The following KCNIP1 variants were observed in gnomAD, a reference collection of about 807,000 sequenced individuals.
The protein encoded by KCNIP1 is potassium voltage-gated channel interacting protein 1, also known as A-type potassium channel modulatory protein KCNIP1.
KCNIP1 carries 18 observed loss-of-function variants against 33.0 expected under a neutral mutation model. That is an observed-to-expected ratio of 0.55 (90% CI 0.38 to 0.81). The LOEUF (loss-of-function observed/expected upper bound fraction) is 0.81, where lower values mean the gene tolerates loss of function less well. Ranked by LOEUF, KCNIP1 falls within the 30% of genes least tolerant of loss-of-function variation. The pLI, the probability that KCNIP1 is intolerant of heterozygous loss-of-function variation, is 0.00. For synonymous variants in KCNIP1, 93 were observed against 98.3 expected, an observed-to-expected ratio of 0.95 and a Z score of 0.32; for missense variants, 238 against 271.6, an observed-to-expected ratio of 0.88 and a Z score of 0.87.
At chr5:170,395,330 G>T (rs543858885) in intron 1 of KCNIP1, among the ~76,000 whole-genome samples, 2 of 152,078 alleles carry the variant, frequency 1.3e-5, no homozygotes, top group Non-Finnish European at 2.9e-5. Flanking sequence ...GGTTTAATTT[G>T]CATTTCTCTG....
At chr5:170,455,032 A>T (rs796924602) in intron 1 of KCNIP1, among the ~76,000 whole-genome samples, 15 of 152,342 alleles carry the variant, frequency 9.8e-5, no homozygotes, top group African/African-American at 3.4e-4. Flanking sequence ...ATTATAAACA[A>T]ATATGCTCCT....
At chr5:170,595,023 C>G (rs1184987731) in intron 1 of KCNIP1, among the ~76,000 whole-genome samples, 4 of 152,166 alleles carry the variant, frequency 2.6e-5, no homozygotes, top group Admixed American at 2.6e-4. Flanking sequence ...CCAACTCAGT[C>G]AACACAGGTC....
intron 1 of KCNIP1, among the ~76,000 whole-genome samples, chr5:170,674,161 A>AGGG (rs1561756579): frequency 5.0e-4 from 40 of 79,400 alleles, no homozygotes; most frequent in African/African-American, 2.1e-3. Context: ...GGAAGGAAGG[A>AGGG]AGGAAGGAAG....
chr5:170,601,259 G>A (rs1430037925), intron 1 of KCNIP1, among the ~76,000 whole-genome samples: 1 of 152,236 alleles, frequency 6.6e-6, no homozygotes, highest in Non-Finnish European at 1.5e-5. Context: ...TCACAGCGGT[G>A]TAGAGGAGAA....
At chr5:170,619,327 G>GC (rs1254444541) in intron 1 of KCNIP1, among the ~76,000 whole-genome samples, 1 of 152,236 alleles carries the variant, frequency 6.6e-6, no homozygotes, top group Non-Finnish European at 1.5e-5. Context: ...ATGACCTTGG[G>GC]CAAGAAGCTT....
chr5:170,482,713 C>A (rs918984012), intron 1 of KCNIP1, among the ~76,000 whole-genome samples: 4 of 152,152 alleles, frequency 2.6e-5, no homozygotes, highest in African/African-American at 9.7e-5. Flanking sequence ...CAGATTTCAT[C>A]TGGTATGCTG....
intron 1 of KCNIP1, among the ~76,000 whole-genome samples, chr5:170,404,230 A>G (rs1754977323): frequency 6.6e-6 from 1 of 152,232 alleles, no homozygotes. Context: ...CACAGTCTTA[A>G]AAATTGGAAA....
At chr5:170,643,866 G>A (rs972561531) in intron 1 of KCNIP1, among the ~76,000 whole-genome samples, 1 of 152,220 alleles carries the variant, frequency 6.6e-6, no homozygotes, top group Non-Finnish European at 1.5e-5. Context: ...TAACGAATGG[G>A]GCACTCACAG....
intron 1 of KCNIP1, among the ~76,000 whole-genome samples, chr5:170,561,650 G>A (rs1757038011): frequency 6.6e-6 from 1 of 152,224 alleles, no homozygotes; most frequent in Admixed American, 6.5e-5. Context: ...CTTGAGACCA[G>A]GTTCCCATCT....
chr5:170,445,534 T>C (rs1332940445), intron 1 of KCNIP1, among the ~76,000 whole-genome samples: 1 of 152,242 alleles, frequency 6.6e-6, no homozygotes, highest in East Asian at 1.9e-4. Context: ...AGTTTCCTCC[T>C]GTTATCATTC....
intron 1 of KCNIP1, among the ~76,000 whole-genome samples, chr5:170,691,154 G>T (rs908645757): frequency 6.6e-6 from 1 of 152,182 alleles, no homozygotes; most frequent in Non-Finnish European, 1.5e-5. Flanking sequence ...ATGCCTTATG[G>T]GTGCATCCTA....
At chr5:170,598,908 T>TGTGTGTGC (rs1554103639) in intron 1 of KCNIP1, among the ~76,000 whole-genome samples, 6 of 138,820 alleles carry the variant, frequency 4.3e-5, no homozygotes, top group African/African-American at 1.3e-4. Flanking sequence ...TGTGCGCGTG[T>TGTGTGTGC]GTGTGTGTGT....
chr5:170,524,718 T>C (rs990005715), intron 1 of KCNIP1, among the ~76,000 whole-genome samples: 21 of 152,094 alleles, frequency 1.4e-4, no homozygotes, highest in African/African-American at 4.6e-4. Flanking sequence ...TTAAACTAGT[T>C]CATGCCTTCA....
chr5:170,647,345 T>C (rs2113712937), intron 1 of KCNIP1, among the ~76,000 whole-genome samples: 1 of 152,268 alleles, frequency 6.6e-6, no homozygotes, highest in African/African-American at 2.4e-5. Flanking sequence ...AGAAAAAAGT[T>C]GGAGGATTGA....
chr5:170,435,987 G>T (rs749015210), intron 1 of KCNIP1, among the ~76,000 whole-genome samples: 4 of 152,034 alleles, frequency 2.6e-5, no homozygotes, highest in Admixed American at 6.6e-5. Flanking sequence ...CCACATTCCT[G>T]CCCACCATGC....
At chr5:170,502,592 G>A (rs1163821216), upstream of KCNIP1, among the ~76,000 whole-genome samples, 6 of 152,166 alleles carry the variant, frequency 3.9e-5, no homozygotes, top group African/African-American at 1.2e-4. Flanking sequence ...TGAGCCTTGG[G>A]TCTGTCTGTG....
At chr5:170,493,668 C>T (rs1000606078) in intron 1 of KCNIP1, among the ~76,000 whole-genome samples, 1 of 152,186 alleles carries the variant, frequency 6.6e-6, no homozygotes, top group African/African-American at 2.4e-5. Flanking sequence ...AGGAAGAGGA[C>T]ACTGAACAAA....
At chr5:170,725,300 T>C (rs1763972410) in intron 5 of KCNIP1, among the ~76,000 whole-genome samples, 1 of 152,098 alleles carries the variant, frequency 6.6e-6, no homozygotes, top group South Asian at 2.1e-4. Flanking sequence ...GATGAATGGA[T>C]AAAGAAAATC....
At chr5:170,366,631 G>A (rs572875646) in intron 1 of KCNIP1, among the ~76,000 whole-genome samples, 8 of 152,240 alleles carry the variant, frequency 5.3e-5, no homozygotes, top group Non-Finnish European at 1.2e-4. Flanking sequence ...AGTGACCAGC[G>A]TGAGACTCCT....
Sources: allele counts gnomAD v4.1 joint callset (sites outside exome capture counted in the v4.1 genomes callset), GRCh38; gene constraint gnomAD v4.1.1; transcripts MANE v1.5; gene names NCBI Gene and HGNC (gene_info 2026-07-23, HGNC 2026-07-21).